Variants in APCDD1L observed in about 807,000 individuals in gnomAD.
APCDD1L encodes the protein protein APCDD1-like.
In APCDD1L, 21 loss-of-function variants were observed where a neutral mutation model predicts 24.2. The ratio of observed to expected loss-of-function variants is 0.87; its 90% CI spans 0.61 to 1.25. The LOEUF (loss-of-function observed/expected upper bound fraction) is 1.25, where lower values mean the gene tolerates loss of function less well. APCDD1L is among the 50% of genes most tolerant of loss of function. The pLI is 0.00. For synonymous variants in APCDD1L, 321 were observed against 323.6 expected (o/e 0.99, Z 0.09); for missense variants, 704 against 711.7 (o/e 0.99, Z 0.12).
chr20:58,475,560 G>C (rs1184460421), intron 1 of APCDD1L, among the ~76,000 whole-genome samples: 2 of 152,096 alleles, frequency 1.3e-5, no homozygotes, highest in Non-Finnish European at 2.9e-5. Flanking sequence ...GGACTCGTGG[G>C]TGTGGTAAAT....
intron 1 of APCDD1L, among the ~76,000 whole-genome samples, chr20:58,492,034 T>C (rs1217480380): frequency 6.6e-6 from 1 of 152,136 alleles, no homozygotes; most frequent in Non-Finnish European, 1.5e-5. Context: ...AAGAAGTCGG[T>C]TCATACCCCC....
intron 1 of APCDD1L, among the ~76,000 whole-genome samples, chr20:58,512,023 C>A (rs1389939045): frequency 6.6e-6 from 1 of 152,232 alleles, no homozygotes; most frequent in African/African-American, 2.4e-5. Flanking sequence ...TGAACCAACA[C>A]TGGCAGCTGG....
chr20:58,481,789 C>T (rs1013421742), intron 1 of APCDD1L, among the ~76,000 whole-genome samples: 3 of 152,172 alleles, frequency 2.0e-5, no homozygotes, highest in African/African-American at 7.2e-5. Context: ...CCACCCAGTC[C>T]TTGCGGAAGA....
chr20:58,500,855 T>G (rs1041666643), intron 1 of APCDD1L, among the ~76,000 whole-genome samples: 3 of 152,136 alleles, frequency 2.0e-5, no homozygotes, highest in African/African-American at 7.2e-5. Context: ...CCAGGGAGTT[T>G]TGCCTTTTGT....
At chr20:58,507,132 T>C (rs1406544159) in intron 1 of APCDD1L, among the ~76,000 whole-genome samples, 2 of 152,204 alleles carry the variant, frequency 1.3e-5, no homozygotes, top group Non-Finnish European at 2.9e-5. Context: ...GTTCTTGAGA[T>C]AGTGAATAAG....
In APCDD1L at chr20:58,491,462, T is replaced by A. The variant is rs533673298; in HGVS notation, c.50-20715A>T. Reference sequence around the variant, plus strand: ...ATCAATTACATCTTGTAACAGCACATAGTTGTGGGGAGGGAATATATCATT... The same window carrying A: ...ATCAATTACATCTTGTAACAGCACAAAGTTGTGGGGAGGGAATATATCATT... On this transcript the variant is annotated intron_variant, in intron 1 of 3. Coordinates refer to ENST00000371149, the MANE Select transcript of APCDD1L (RefSeq NM_153360.3). Among the ~76,000 whole-genome samples, 4 of 151,870 alleles carry A rather than the reference T, an allele frequency of 2.6e-5. No individual in the cohort carries two copies. The South Asian group carries it at 8.3e-4, about 32-fold the overall frequency.
rs771847690 is a variant in APCDD1L, at chr20:58,467,537, G to T, written c.310C>A (p.Leu104Met). ...AGGCGGACTTTGCCCTTGACGAGCA[G>T]CGAGTGGGCAGGTTCCCCGCAGAAG... Reference protein sequence around the residue: ...DPFCGEPAHSLLVKGKVRLRR... With the variant: ...DPFCGEPAHSMLVKGKVRLRR... Residue 104 changes from leucine to methionine, a missense_variant, in exon 3 of 4, where the codon CTG (leucine) becomes ATG (methionine). Leu to Met is a conservative substitution (Grantham distance 15). Transcript: ENST00000371149. The surrounding 1 kb of genome is among the most constrained non-coding windows in gnomAD (Gnocchi z 5.9). The T allele has an allele frequency of 2.6e-5, 41 of 1,589,064 alleles. No individual in the cohort carries two copies. Among genetic ancestry groups the T allele is most frequent in the Non-Finnish European group, 3.4e-5 (40 of 1,168,004 alleles).
At chr20:58,485,232 C>T (rs912269629) in intron 1 of APCDD1L, among the ~76,000 whole-genome samples, 3 of 152,090 alleles carry the variant, frequency 2.0e-5, no homozygotes, top group Non-Finnish European at 4.4e-5. Context: ...TATTGTGGGT[C>T]TCCACTGGAG....
intron 1 of APCDD1L, among the ~76,000 whole-genome samples, chr20:58,499,998 T>A (rs1568751342): frequency 6.6e-6 from 1 of 152,128 alleles, no homozygotes; most frequent in African/African-American, 2.4e-5. Flanking sequence ...ATTGTTTTTT[T>A]AAAAAAACAC....
rs768919971 is a variant in APCDD1L at position 58,470,656 on chromosome 20, G to C, written c.141C>G (p.Ser47Arg). 17 of 1,575,486 alleles carry C rather than the reference G, an allele frequency of 1.1e-5. 1 individual carries two copies. In the East Asian group the frequency reaches 3.4e-4, roughly 32 times the overall value. The change falls in exon 2 of 4, where the codon AGC becomes AGG. Residue 47 changes from serine to arginine, a missense_variant. By Grantham distance (110) the Ser-to-Arg change is moderately radical (BLOSUM62 -1). Transcript: ENST00000371149. ...CQQPLPDRVP[S>R]TAILPPRLNG... ...TAAGGCGTGGAGGCAGGATCGCAGTGCTGGGCACTCTATCTGGCAAGGGCT... is the reference window on the plus strand; with the variant it reads ...TAAGGCGTGGAGGCAGGATCGCAGTCCTGGGCACTCTATCTGGCAAGGGCT...
In APCDD1L at chr20:58,461,183, G is replaced by C. The variant is rs1213080909; in HGVS notation, c.1113C>G (p.Leu371=). 1 of 1,613,404 alleles carries C rather than the reference G, an allele frequency of 6.2e-7. No homozygotes were observed. The highest frequency in any genetic ancestry group is 1.1e-5 in the South Asian group (1 of 91,068). Reference sequence around the variant, plus strand: ...CACAGCTGCTTGGCTCAGAGAAGTTGAGCATGGCCGTGGTGACCTGGTCCA... The same window carrying C: ...CACAGCTGCTTGGCTCAGAGAAGTTCAGCATGGCCGTGGTGACCTGGTCCA... ...TPMDQVTTAM[L]NFSEPSSCGG... Residue 371 remains leucine, a synonymous_variant, in exon 4 of 4, where the codon CTC becomes CTG. Transcript: ENST00000371149. This position sits in a 1 kb window ranked among gnomAD's most constrained non-coding sequence, Gnocchi z 6.0.
At position 58,510,637 on chromosome 20, in the gene APCDD1L, C is replaced by A. The variant is rs117246416; in HGVS notation, c.49+4022G>T. ...GTGAGCCACCATGCCCGGCCCAATT[C>A]TTCCTTTTAGCAAGCTCACCCTACT... On this transcript the variant is annotated intron_variant, in intron 1 of 3. Transcript: ENST00000371149. 7.4e-3 allele frequency among the ~76,000 whole-genome samples: 1,125 copies of A among 152,226 alleles called. 9 individuals carry two copies. The highest frequency in any genetic ancestry group is 0.017 in the Middle Eastern group (5 of 294).
At chr20:58,490,598 C>T (rs534299611) in intron 1 of APCDD1L, among the ~76,000 whole-genome samples, 1 of 152,342 alleles carries the variant, frequency 6.6e-6, no homozygotes, top group South Asian at 2.1e-4. Flanking sequence ...TCAACATTCA[C>T]AGCAAAAGGC....
chr20:58,485,685 A>C (rs1421481242), intron 1 of APCDD1L, among the ~76,000 whole-genome samples: 1 of 152,250 alleles, frequency 6.6e-6, no homozygotes, highest in Non-Finnish European at 1.5e-5. Context: ...TCCACGGAGC[A>C]GCAAGCATGA....
intron 1 of APCDD1L, among the ~76,000 whole-genome samples, chr20:58,491,844 T>A (rs951693136): frequency 5.3e-5 from 8 of 152,232 alleles, no homozygotes; most frequent in Non-Finnish European, 8.8e-5. Context: ...CGAGTAACTG[T>A]AGCATTGTAT....
At chr20:58,511,947 C>A (rs140292617) in intron 1 of APCDD1L, among the ~76,000 whole-genome samples, 1 of 152,264 alleles carries the variant, frequency 6.6e-6, no homozygotes, top group African/African-American at 2.4e-5. Flanking sequence ...TATGGTTTCT[C>A]ATTTTCCCCC....
In APCDD1L at chr20:58,459,113, T is replaced by C. The variant is rs1568730327; in HGVS notation, c.*1677A>G. 6.6e-6 allele frequency: 1 copy of C among 152,254 alleles called. No individual in the cohort carries two copies. The highest frequency in any genetic ancestry group is 1.5e-5 in the Non-Finnish European group (1 of 68,046). The allele number at this position is 152,254 out of a possible 1,614,324, so 9.4% of individuals were successfully genotyped here. A position where few individuals can be genotyped will look rare whatever the true frequency, so the allele number is the denominator to read the frequency against. ...ACCAGCAAGAACATTTTTCAGGCTG[T>C]TTAATTTTATTAAAAGGTTCAAATT... On this transcript the variant is annotated 3_prime_UTR_variant, in exon 4 of 4. Coordinates refer to ENST00000371149, the MANE Select transcript of APCDD1L (RefSeq NM_153360.3).
intron 1 of APCDD1L, among the ~76,000 whole-genome samples, chr20:58,476,865 A>G (rs2123149748): frequency 6.6e-6 from 1 of 152,248 alleles, no homozygotes; most frequent in Middle Eastern, 3.4e-3. Flanking sequence ...GTGCTGTTCC[A>G]TCCTCTGCTC....
chr20:58,482,245 C>T (rs1990038280), intron 1 of APCDD1L, among the ~76,000 whole-genome samples: 1 of 152,110 alleles, frequency 6.6e-6, no homozygotes, highest in African/African-American at 2.4e-5. Context: ...TTTCGGAAAA[C>T]CCATTTTGCT....
Sources: gnomAD v4.1 joint callset for allele counts (sites outside exome capture counted in the v4.1 genomes callset) on GRCh38, gnomAD v4.1.1 for gene constraint, Gnocchi (gnomAD v3.1) non-coding constraint, MANE v1.5 for transcripts, NCBI Gene and HGNC (gene_info 2026-07-23, HGNC 2026-07-21) for gene names.